GRK4: variants seen among roughly 807,000 people sequenced by gnomAD.
GRK4 encodes G protein-coupled receptor kinase 4.
Under a neutral mutation model 77.9 loss-of-function variants are expected in GRK4, and 73 were observed. The observed-to-expected ratio is 0.94, with a 90% CI of 0.78 to 1.14. The LOEUF (loss-of-function observed/expected upper bound fraction) is 1.14, where lower values mean the gene tolerates loss of function less well. Among genes scored for constraint, GRK4 ranks in the 50% most tolerant of loss-of-function variants. The pLI is 0.00. For synonymous variants in GRK4, 257 were observed against 254.4 expected, an observed-to-expected ratio of 1.01 and a Z score of -0.10; for missense variants, 729 against 700.2, an observed-to-expected ratio of 1.04 and a Z score of -0.46.
At position 2,992,268 on chromosome 4, in the gene GRK4, CT is replaced by C; in HGVS notation, c.317del (p.Leu106Ter). On this transcript the variant is annotated frameshift_variant, in exon 4 of 16. Coordinates refer to ENST00000398052, the MANE Select transcript of GRK4 (RefSeq NM_182982.3). LOFTEE classifies it high-confidence loss of function. ...ACCGAAGTGATTGTGGACTGTCAATCTTAGATAGATTCTTCAATGATAAGGT... is the reference window on the plus strand; with the variant it reads ...ACCGAAGTGATTGTGGACTGTCAATCTAGATAGATTCTTCAATGATAAGGT... ...EDRSDCGLSI[L>X]DRFFNDKLAA... is the part of the protein sequence containing the mutation. 6.2e-7 allele frequency: 1 copy of C among 1,606,390 alleles called. No homozygotes were observed. The highest frequency in any genetic ancestry group is 8.5e-7 in the Non-Finnish European group (1 of 1,173,358).
At position 3,035,537 on chromosome 4, in the gene GRK4, C is replaced by T. The variant is rs190122431; in HGVS notation, c.1407+14C>T. The T allele has an allele frequency of 9.5e-5, 153 of 1,606,824 alleles. No homozygotes were observed. The East Asian group carries it at 3.3e-3, about 34-fold the overall frequency. ...TTCTGTCCTGATGTAAGTGCATTGC[C>T]AGGACGAGCAGGGCCCTAGGAACAG... On this transcript the variant is annotated intron_variant, in intron 13 of 15. Coordinates refer to ENST00000398052, the MANE Select transcript of GRK4 (RefSeq NM_182982.3).
chr4:3,038,580 A>G (rs1200803406), intron 15 of GRK4, 67 bp downstream of exon 15: 4 of 1,525,982 alleles, frequency 2.6e-6, no homozygotes, highest in African/African-American at 2.8e-5. Flanking sequence ...CTGACTGCCA[A>G]GGTGAAAACC....
intron 13 of GRK4, among the ~76,000 whole-genome samples, chr4:3,035,777 C>T (rs540345160): frequency 1.3e-5 from 2 of 152,136 alleles, no homozygotes; most frequent in East Asian, 3.9e-4. Context: ...ACAGAATCAG[C>T]AGGTACAGTT....
At chr4:3,037,570 G>GGT (rs1474579509) in intron 14 of GRK4, 59 bp downstream of exon 14, 9 of 1,520,868 alleles carry the variant, frequency 5.9e-6, no homozygotes, top group Non-Finnish European at 8.1e-6. Flanking sequence ...CAGGGAAAAG[G>GGT]GTGTGTGTGT....
At chr4:2,989,680 G>A (rs948250146) in intron 3 of GRK4, among the ~76,000 whole-genome samples, 1 of 152,208 alleles carries the variant, frequency 6.6e-6, no homozygotes, top group African/African-American at 2.4e-5. Context: ...ACTTAAAAAC[G>A]CTTTAACCCA....
intron 13 of GRK4, 139 bp downstream of exon 13, chr4:3,035,662 G>A (rs964985123): frequency 3.2e-6 from 3 of 924,678 alleles, no homozygotes; most frequent in South Asian, 3.5e-5. Context: ...GGCCTCAAGT[G>A]GTCCTCCACC....
chr4:3,001,366 TATA>T (rs1225729348), intron 4 of GRK4, among the ~76,000 whole-genome samples: 1,427 of 107,808 alleles, frequency 0.013, 38 homozygotes, highest in African/African-American at 0.035. Context: ...TATATATATA[TATA>T]TTTTTTTTTT....
intron 1 of GRK4, chr4:2,966,456 T>G (rs1342992263): frequency 6.6e-6 from 1 of 152,002 alleles, no homozygotes; most frequent in East Asian, 1.9e-4. Context: ...CTGAAATATC[T>G]CATATTAACT....
At chr4:2,984,651 C>T (rs775913976) in intron 2 of GRK4, 43 bp downstream of exon 2, 14 of 1,004,338 alleles carry the variant, frequency 1.4e-5, no homozygotes, top group Non-Finnish European at 2.1e-5. Context: ...GTACATCTGG[C>T]ATGATACCAT....
chr4:2,987,006 C>T (rs1724592830), intron 2 of GRK4: 1 of 373,560 alleles, frequency 2.7e-6, no homozygotes, highest in Non-Finnish European at 5.2e-6. Flanking sequence ...GTATATAATT[C>T]AATAGTTTTT....
At chr4:3,037,838 C>G (rs1741218003) in intron 14 of GRK4, among the ~76,000 whole-genome samples, 1 of 151,588 alleles carries the variant, frequency 6.6e-6, no homozygotes, top group Non-Finnish European at 1.5e-5. Context: ...TCGCTTGAAC[C>G]TGGGAGGCAG....
At chr4:3,022,554 G>A (rs968273155) in intron 10 of GRK4, 103 bp downstream of exon 10, 2 of 1,007,048 alleles carry the variant, frequency 2.0e-6, no homozygotes, top group Non-Finnish European at 3.0e-6. Context: ...AGGAGAGAAT[G>A]GAAACAATAA....
intron 4 of GRK4, among the ~76,000 whole-genome samples, chr4:3,000,359 C>T (rs1000592595): frequency 1.2e-4 from 18 of 152,096 alleles, no homozygotes; most frequent in African/African-American, 3.4e-4. Flanking sequence ...AATCATTAAA[C>T]GGTCTTGATA....
intron 7 of GRK4, among the ~76,000 whole-genome samples, chr4:3,012,063 G>A (rs542706341): frequency 7.4e-4 from 113 of 152,318 alleles, no homozygotes; most frequent in Non-Finnish European, 1.1e-3. Context: ...GTGAGCCAGC[G>A]AGTGTTCACA....
intron 12 of GRK4, among the ~76,000 whole-genome samples, chr4:3,032,106 T>C (rs1301083015): frequency 6.6e-6 from 1 of 152,120 alleles, no homozygotes. Flanking sequence ...CAAGAATGTA[T>C]AAATATGTAC....
intron 4 of GRK4, among the ~76,000 whole-genome samples, chr4:2,995,067 G>C (rs944109258): frequency 6.6e-6 from 1 of 152,218 alleles, no homozygotes; most frequent in Non-Finnish European, 1.5e-5. Flanking sequence ...GTTTGCTAAG[G>C]ATAATGGCCT....
chr4:2,992,773 G>A (rs927232278), intron 4 of GRK4, among the ~76,000 whole-genome samples: 2 of 151,912 alleles, frequency 1.3e-5, no homozygotes, highest in Non-Finnish European at 2.9e-5. Context: ...TTGAGCTCAG[G>A]AGTTCAAAAC....
Position 3,013,728 on chromosome 4 carries a change from C to T in GRK4, c.641C>T (p.Ala214Val), listed in dbSNP as rs759677405. The T allele has an allele frequency of 1.2e-6, 2 of 1,612,896 alleles. No homozygotes were observed. Among genetic ancestry groups the T allele is most frequent in the Non-Finnish European group, 1.7e-6 (2 of 1,179,588 alleles). The change falls in exon 8 of 16, where the codon GCC becomes GTC. Residue 214 changes from alanine (A) to valine (V), a missense_variant. Coordinates refer to ENST00000398052, the MANE Select transcript of GRK4 (RefSeq NM_182982.3). The part of the protein sequence containing the change: ...CQVRATGKMY[A>V]CKKLQKKRIK... ...GTGCGAGCCACAGGAAAAATGTATG[C>T]CTGCAAAAAGCTACAAAAAAAAAGA...
intron 1 of GRK4, among the ~76,000 whole-genome samples, chr4:2,983,803 G>A (rs575895862): frequency 6.6e-6 from 1 of 152,192 alleles, no homozygotes; most frequent in East Asian, 1.9e-4. Context: ...AGGTTTAATT[G>A]ACTCACAGTT....
Sources: gnomAD v4.1 joint callset for allele counts (sites outside exome capture counted in the v4.1 genomes callset) on GRCh38, gnomAD v4.1.1 for gene constraint, MANE v1.5 for transcripts, NCBI Gene and HGNC (gene_info 2026-07-23, HGNC 2026-07-21) for gene names.